PDE6B: variants seen among roughly 807,000 people sequenced by gnomAD.
PDE6B encodes rod cGMP-specific 3',5'-cyclic phosphodiesterase subunit beta.
A neutral mutation model predicts 109.0 loss-of-function variants in PDE6B; 106 were observed. The ratio of observed to expected loss-of-function variants is 0.97; its 90% CI spans 0.83 to 1.14. The LOEUF (loss-of-function observed/expected upper bound fraction) is 1.14, where lower values mean the gene tolerates loss of function less well. PDE6B is among the 50% of genes most tolerant of loss of function. PDE6B has a pLI of 0.00. For synonymous variants in PDE6B, 490 were observed against 471.3 expected (o/e 1.04, Z -0.51); for missense variants, 1,193 against 1,155.6 (o/e 1.03, Z -0.47).
chr4:662,424 C>T lies in PDE6B; in HGVS notation c.1723-85C>T. 1 of 1,003,704 alleles carries T rather than the reference C, an allele frequency of 1.0e-6. No homozygotes were observed. Among genetic ancestry groups the T allele is most frequent in the South Asian group, 1.3e-5 (1 of 76,950 alleles). The allele number at this position is 1,003,704 out of a possible 1,614,324, so 62.2% of individuals were successfully genotyped here. On this transcript the variant is annotated intron_variant, in intron 13 of 21. Transcript: ENST00000496514. The surrounding 1 kb of genome is among the most constrained non-coding windows in gnomAD (Gnocchi z 4.3). Reference sequence around the variant, plus strand: ...GGTGGTCGGAGGTCCAACCTCCAACCCGACGCCTAGGTCATCCCAACCCCT... The same window carrying T: ...GGTGGTCGGAGGTCCAACCTCCAACTCGACGCCTAGGTCATCCCAACCCCT...
Position 627,436 on chromosome 4 carries a change from G to A in PDE6B, c.468+1342G>A, listed in dbSNP as rs1010616121. On this transcript the variant is annotated intron_variant, in intron 1 of 21. Transcript: ENST00000496514. The stretch of plus-strand genomic sequence containing the variant: ...GCTGGGATAACAGGCGTGAGCCACC[G>A]CACCAGGCCGGAAGTGGCAATCCTC... Among the ~76,000 whole-genome samples the A allele has an allele frequency of 7.9e-5, 12 of 152,178 alleles. No homozygotes were observed. In the East Asian group the frequency reaches 1.7e-3, roughly 22 times the overall value.
chr4:665,143 A>C lies in PDE6B; in HGVS notation c.2194-112A>C. 2.3e-6 allele frequency: 2 copies of C among 882,932 alleles called. No individual in the cohort carries two copies. Among genetic ancestry groups the C allele is most frequent in the South Asian group, 1.4e-5 (1 of 73,114 alleles). The allele number at this position is 882,932 out of a possible 1,614,324, so 54.7% of individuals were successfully genotyped here. ...TCAACCGGAGCCCTGTGTGGTGGGG[A>C]CCCCGGGGGTCTGGGGCGGAGAAGA... On this transcript the variant is annotated intron_variant, in intron 18 of 21. Coordinates refer to ENST00000496514, the MANE Select transcript of PDE6B (RefSeq NM_000283.4). The surrounding 1 kb of genome is among the most constrained non-coding windows in gnomAD (Gnocchi z 4.0).
chr4:647,672 C>T (rs1240130216), intron 3 of PDE6B, among the ~76,000 whole-genome samples: 1 of 152,024 alleles, frequency 6.6e-6, no homozygotes, highest in East Asian at 1.9e-4. Flanking sequence ...AGGGCCCCAC[C>T]TCCACTCACC....
chr4:653,244 A>T (rs1350679596), intron 3 of PDE6B: 1 of 1,008,326 alleles, frequency 9.9e-7, no homozygotes, highest in African/African-American at 1.7e-5. Context: ...GAGTGTGAGG[A>T]GGCAGGGCCT....
In PDE6B at chr4:633,659, G is replaced by C. The variant is rs1734499463; in HGVS notation, c.469-1018G>C. Among the ~76,000 whole-genome samples the C allele has an allele frequency of 6.6e-6, 1 of 152,192 alleles. No homozygotes were observed. Reference sequence around the variant, plus strand: ...TATTTTTGCCCCATTGACTGGTGAGGAGAAGGCCACAGAACCACCCTGTGC... The same window carrying C: ...TATTTTTGCCCCATTGACTGGTGAGCAGAAGGCCACAGAACCACCCTGTGC... On this transcript the variant is annotated intron_variant, in intron 1 of 21. Transcript: ENST00000496514. This position sits in a 1 kb window ranked among gnomAD's most constrained non-coding sequence, Gnocchi z 4.5.
In PDE6B at chr4:666,329, C is replaced by A. The variant is rs1737792510; in HGVS notation, c.2269-202C>A. 6.6e-6 allele frequency among the ~76,000 whole-genome samples: 1 copy of A among 152,128 alleles called. No homozygotes were observed. The highest frequency in any genetic ancestry group is 2.4e-5 in the African/African-American group (1 of 41,420). On this transcript the variant is annotated intron_variant, in intron 19 of 21. Coordinates refer to ENST00000496514, the MANE Select transcript of PDE6B (RefSeq NM_000283.4). This position sits in a 1 kb window ranked among gnomAD's most constrained non-coding sequence, Gnocchi z 5.6. The stretch of plus-strand genomic sequence containing the variant: ...AACAGCAGCTGTGGGAAGAAGCTGC[C>A]CACAGTTCCTAGGAGCTGTGGAGCC...
At chr4:657,101 G>T in intron 9 of PDE6B, 78 bp downstream of exon 9, 1 of 1,441,842 alleles carries the variant, frequency 6.9e-7, no homozygotes, top group Non-Finnish European at 9.8e-7. Flanking sequence ...GGGCCTCCCC[G>T]CCAAGCATTC....
chr4:647,378 T>TGCTGCAGCTGAGGGTG (rs1467661834), intron 3 of PDE6B, among the ~76,000 whole-genome samples: 2 of 152,060 alleles, frequency 1.3e-5, no homozygotes, highest in African/African-American at 2.4e-5. Flanking sequence ...AATGAACATT[T>TGCTGCAGCTGAGGGTG]GCTGCAGCTG....
intron 5 of PDE6B, 113 bp downstream of exon 5, chr4:654,267 G>A (rs1166043713): frequency 2.1e-6 from 2 of 964,996 alleles, no homozygotes; most frequent in Admixed American, 2.0e-5. Context: ...GTGGGAACTG[G>A]CCGGTGGGAC....
chr4:657,023 G>C lies in PDE6B; in HGVS notation c.1257G>C (p.Glu419Asp), dbSNP rs374136816. The change falls in exon 9 of 22, where the codon GAG (glutamate) becomes GAC (aspartate). Residue 419 changes from glutamate (E) to aspartate (D), a missense_variant and splice_region_variant. By Grantham distance (45) the Glu-to-Asp change is conservative. Transcript: ENST00000496514. ...ACGAACAGGACGAGGTTCTCATGGA[G>C]GTAAGCACCTGGGCAGACGTGGTTC... Reference protein sequence around the residue: ...PFDEQDEVLMESLTQFLGWSV... With the variant: ...PFDEQDEVLMDSLTQFLGWSV... The C allele has an allele frequency of 9.3e-6, 15 of 1,612,882 alleles. No individual in the cohort carries two copies. Among genetic ancestry groups the C allele is most frequent in the African/African-American group, 1.3e-5 (1 of 74,932 alleles).
chr4:669,863 G>C lies in PDE6B; in HGVS notation c.2504-183G>C, dbSNP rs73058418. Reference sequence around the variant, plus strand: ...CCAGGATGAGCATAATCAGGGCACAGTGTCAACAGAGGCTAAAGCACTAAG... The same window carrying C: ...CCAGGATGAGCATAATCAGGGCACACTGTCAACAGAGGCTAAAGCACTAAG... On this transcript the variant is annotated intron_variant, in intron 21 of 21. Transcript: ENST00000496514. 9.2e-3 allele frequency among the ~76,000 whole-genome samples: 1,400 copies of C among 152,226 alleles called. 22 individuals carry two copies. Among genetic ancestry groups the C allele is most frequent in the African/African-American group, 0.032 (1,320 of 41,496 alleles).
chr4:645,617 T>C (rs1400895376), intron 3 of PDE6B, among the ~76,000 whole-genome samples: 1 of 152,000 alleles, frequency 6.6e-6, no homozygotes, highest in Non-Finnish European at 1.5e-5. Flanking sequence ...TTTAAAGTGA[T>C]TATTGATATA....
intron 1 of PDE6B, among the ~76,000 whole-genome samples, chr4:634,435 T>C (rs1384954354): frequency 6.6e-6 from 1 of 152,170 alleles, no homozygotes; most frequent in African/African-American, 2.4e-5. Flanking sequence ...CCAAGTCTGC[T>C]GGACTGAGCA....
intron 11 of PDE6B, 100 bp from the exon 12 acceptor site, chr4:660,367 G>T (rs1736916654): frequency 8.5e-7 from 1 of 1,176,120 alleles, no homozygotes; most frequent in South Asian, 1.2e-5. Context: ...GATGCCTGAG[G>T]TGTCTGAGGC....
Position 662,515 on chromosome 4 carries a change from A to G in PDE6B, c.1729A>G (p.Lys577Glu). Residue 577 changes from lysine (K) to glutamate (E), a missense_variant, in exon 14 of 22, where the codon AAA becomes GAA. Transcript: ENST00000496514. This position sits in a 1 kb window ranked among gnomAD's most constrained non-coding sequence, Gnocchi z 4.3. ...GGTGGCCCTGTCTCTACAGACCGGC[A>G]AACTGAAGAGCTACTACACGGACCT... ...QTMFTLLMTG[K>E]LKSYYTDLEA... The G allele has an allele frequency of 1.2e-6, 2 of 1,610,006 alleles. No individual in the cohort carries two copies. Among genetic ancestry groups the G allele is most frequent in the Admixed American group, 1.7e-5 (1 of 60,018 alleles).
chr4:663,333 C>A lies in PDE6B; in HGVS notation c.1920+146C>A, dbSNP rs540060163. On this transcript the variant is annotated intron_variant, in intron 15 of 21. Transcript: ENST00000496514. This position sits in a 1 kb window ranked among gnomAD's most constrained non-coding sequence, Gnocchi z 4.0. ...CACTGGGGGAGGGCGGCAGAGAAGG[C>A]GGAGGGCCGAGGCTGAGGGCAGGTG... 1.5e-6 allele frequency: 1 copy of A among 677,612 alleles called. No individual in the cohort carries two copies. The highest frequency in any genetic ancestry group is 2.7e-6 in the Non-Finnish European group (1 of 368,042). The allele number at this position is 677,612 out of a possible 1,614,324, so 42.0% of individuals were successfully genotyped here.
At chr4:645,189 T>C (rs1735138867) in intron 3 of PDE6B, among the ~76,000 whole-genome samples, 1 of 152,090 alleles carries the variant, frequency 6.6e-6, no homozygotes, top group Admixed American at 6.5e-5. Flanking sequence ...TGTGTCTTTA[T>C]ACTTACAGTG....
At chr4:655,757 C>T (rs1328623765) in intron 6 of PDE6B, 183 bp from the exon 7 acceptor site, 1 of 666,932 alleles carries the variant, frequency 1.5e-6, no homozygotes. Context: ...CCAGCGCAGC[C>T]TGGCCCCTCT....
chr4:629,420 A>G (rs9994679), intron 1 of PDE6B, among the ~76,000 whole-genome samples: 3,615 of 152,212 alleles, frequency 0.024, 143 homozygotes, highest in African/African-American at 0.083. Flanking sequence ...CTCACACCCC[A>G]GCTCTGACTG....
Sources: gnomAD v4.1 joint callset for allele counts (sites outside exome capture counted in the v4.1 genomes callset) on GRCh38, gnomAD v4.1.1 for gene constraint, Gnocchi (gnomAD v3.1) non-coding constraint, MANE v1.5 for transcripts, NCBI Gene and HGNC (gene_info 2026-07-23, HGNC 2026-07-21) for gene names.